The following PALM2AKAP2 variants were observed in gnomAD, a reference collection of about 807,000 sequenced individuals.
PALM2AKAP2 encodes PALM2 and AKAP2 fusion.
A neutral mutation model predicts 71.5 loss-of-function variants in PALM2AKAP2; 37 were observed. That is an observed-to-expected ratio of 0.52 (90% CI 0.40 to 0.68). The LOEUF is 0.68. PALM2AKAP2 is among the 30% of genes least tolerant of loss of function. PALM2AKAP2 has a pLI of 0.00. For synonymous variants in PALM2AKAP2, 468 were observed against 478.8 expected (o/e 0.98, Z 0.29); for missense variants, 1,224 against 1,191.8 (o/e 1.03, Z -0.40).
At chr9:109,650,128 A>T (rs1040470161) in intron 1 of PALM2AKAP2, among the ~76,000 whole-genome samples, 1 of 152,130 alleles carries the variant, frequency 6.6e-6, no homozygotes, top group African/African-American at 2.4e-5. Flanking sequence ...CAGTAGTGCC[A>T]TCGGTGTCAC....
At chr9:110,157,371 T>C (rs1836483177) in intron 3 of PALM2AKAP2, among the ~76,000 whole-genome samples, 1 of 148,100 alleles carries the variant, frequency 6.8e-6, no homozygotes, top group South Asian at 2.2e-4. Context: ...TTGTGGTTAT[T>C]AATATCCCCT....
Position 110,084,961 on chromosome 9 carries a change from T to G in PALM2AKAP2, c.156+36106T>G, listed in dbSNP as rs58153011. 8.4e-3 allele frequency among the ~76,000 whole-genome samples: 1,272 copies of G among 152,226 alleles called. 13 individuals carry two copies. The highest frequency in any genetic ancestry group is 0.029 in the African/African-American group (1,219 of 41,538). On this transcript the variant is annotated intron_variant, in intron 1 of 3. Transcript: ENST00000374525. ...TTCACTGTGTTAGTCAGGATGGTCT[T>G]GATCTCCTGACCTTATGATCTGCCT... is the stretch of plus-strand genomic sequence containing the variant.
intron 1 of PALM2AKAP2, among the ~76,000 whole-genome samples, chr9:109,803,696 A>G (rs1827496659): frequency 6.6e-6 from 1 of 152,210 alleles, no homozygotes; most frequent in Non-Finnish European, 1.5e-5. Context: ...GTTAGCATCA[A>G]CACAAGTGGG....
chr9:110,002,973 A>C (rs193163835), intron 6 of PALM2AKAP2, among the ~76,000 whole-genome samples: 2 of 152,094 alleles, frequency 1.3e-5, no homozygotes, highest in Non-Finnish European at 2.9e-5. Context: ...TGATCTTTTC[A>C]AAAAACCACC....
chr9:109,837,146 C>T lies in PALM2AKAP2; in HGVS notation c.46-30345C>T, dbSNP rs931157872. Among the ~76,000 whole-genome samples, 3 of 152,298 alleles carry T rather than the reference C, an allele frequency of 2.0e-5. No homozygotes were observed. The East Asian group carries it at 5.8e-4, about 29-fold the overall frequency. ...GCCAGAGAAAAGGTCAGGTTACCCA[C>T]AAAGGGAAGCCCATCAGACTAACAG... is the stretch of plus-strand genomic sequence containing the variant. On this transcript the variant is annotated intron_variant, in intron 1 of 9. Coordinates refer to the PALM2AKAP2 transcript ENST00000302798.
intron 3 of PALM2AKAP2, among the ~76,000 whole-genome samples, chr9:109,900,246 C>T (rs1830299108): frequency 6.6e-6 from 1 of 152,196 alleles, no homozygotes; most frequent in Non-Finnish European, 1.5e-5. Context: ...GAAGTATAGA[C>T]AAGTACTGCC....
At chr9:110,073,071 A>G (rs1230937779) in intron 1 of PALM2AKAP2, among the ~76,000 whole-genome samples, 1 of 152,222 alleles carries the variant, frequency 6.6e-6, no homozygotes, top group Non-Finnish European at 1.5e-5. Context: ...GGTTTCTACC[A>G]TTGTGCTTGC....
At chr9:109,740,542 A>G (rs541026914) in intron 1 of PALM2AKAP2, among the ~76,000 whole-genome samples, 44 of 152,364 alleles carry the variant, frequency 2.9e-4, no homozygotes, top group African/African-American at 1.0e-3. Flanking sequence ...GGTATGTCCA[A>G]GAAACAGCTA....
intron 6 of PALM2AKAP2, among the ~76,000 whole-genome samples, chr9:109,951,562 G>A (rs76700338): frequency 0.067 from 10,233 of 152,084 alleles, 568 homozygotes; most frequent in East Asian, 0.26. Flanking sequence ...AGCACCTTCC[G>A]CTGTTCACTA....
intron 1 of PALM2AKAP2, among the ~76,000 whole-genome samples, chr9:110,092,097 C>T (rs10980182): frequency 0.2 from 30,707 of 152,042 alleles, 4,305 homozygotes; most frequent in African/African-American, 0.39. Flanking sequence ...TTTGTGAAGC[C>T]GAGGCGGGAG....
chr9:110,159,539 C>A (rs1836544477), intron 3 of PALM2AKAP2, among the ~76,000 whole-genome samples: 1 of 152,086 alleles, frequency 6.6e-6, no homozygotes, highest in Non-Finnish European at 1.5e-5. Context: ...ATTTTTTATT[C>A]TTTTTAAGGA....
chr9:109,945,723 T>C (rs1831488154), intron 6 of PALM2AKAP2: 3 of 152,232 alleles, frequency 2.0e-5, no homozygotes. Context: ...TGGTAGAATG[T>C]AGAACCTTTA....
At chr9:110,077,331 T>C (rs960060265) in intron 1 of PALM2AKAP2, among the ~76,000 whole-genome samples, 2 of 152,212 alleles carry the variant, frequency 1.3e-5, no homozygotes, top group African/African-American at 4.8e-5. Context: ...CAAGTACACA[T>C]TCAGTGATAG....
At chr9:110,043,930 G>A (rs1396202567), upstream of PALM2AKAP2, among the ~76,000 whole-genome samples, 1 of 152,028 alleles carries the variant, frequency 6.6e-6, no homozygotes, top group South Asian at 2.1e-4. Flanking sequence ...TGTTGCCCAG[G>A]CTGGTCTCAA....
intron 7 of PALM2AKAP2, among the ~76,000 whole-genome samples, chr9:110,026,874 C>T (rs2132395522): frequency 6.6e-6 from 1 of 152,170 alleles, no homozygotes; most frequent in Middle Eastern, 3.4e-3. Context: ...GAAACCCCGT[C>T]TCTACTAAAA....
At chr9:109,989,442 A>T (rs1458177560) in intron 6 of PALM2AKAP2, among the ~76,000 whole-genome samples, 2 of 152,166 alleles carry the variant, frequency 1.3e-5, no homozygotes, top group African/African-American at 2.4e-5. Context: ...CCTGTGATCA[A>T]GATGGTAAGT....
At chr9:110,153,390 G>A (rs1836370510) in intron 2 of PALM2AKAP2, among the ~76,000 whole-genome samples, 2 of 152,090 alleles carry the variant, frequency 1.3e-5, no homozygotes, top group African/African-American at 4.8e-5. Context: ...TACATTCCAG[G>A]GTTGTTGCAA....
intron 3 of PALM2AKAP2, among the ~76,000 whole-genome samples, chr9:110,161,797 G>T (rs893273124): frequency 2.6e-5 from 4 of 152,070 alleles, no homozygotes; most frequent in Admixed American, 1.3e-4. Context: ...TGTGTACAGA[G>T]GGGAAGGAAT....
chr9:110,163,175 A>G (rs1366791804), intron 3 of PALM2AKAP2, among the ~76,000 whole-genome samples: 1 of 151,064 alleles, frequency 6.6e-6, no homozygotes. Context: ...TTATTTCTGT[A>G]TTTTATTTTG....
Sources: gnomAD v4.1 joint callset for allele counts (sites outside exome capture counted in the v4.1 genomes callset) on GRCh38, gnomAD v4.1.1 for gene constraint, MANE v1.5 for transcripts, NCBI Gene and HGNC (gene_info 2026-07-23, HGNC 2026-07-21) for gene names.